GSE1: variants seen among roughly 807,000 people sequenced by gnomAD.
GSE1 encodes the protein Gse1 coiled-coil protein.
Under a neutral mutation model 112.6 loss-of-function variants are expected in GSE1, and 32 were observed. That is an observed-to-expected ratio of 0.28 (90% confidence interval 0.21 to 0.38). GSE1 has a LOEUF of 0.38. Ranked by LOEUF, GSE1 falls within the 10% of genes least tolerant of loss-of-function variation. The probability of loss-of-function intolerance (pLI) is 1.00; values close to 1 mark genes in which losing one functional copy is unlikely to be tolerated. For missense variants in GSE1, 2,348 were observed against 1,699.2 expected, an observed-to-expected ratio of 1.38 and a Z score of -6.71; for synonymous variants, 1,115 against 735.6, an observed-to-expected ratio of 1.52 and a Z score of -8.35.
intron 1 of GSE1, among the ~76,000 whole-genome samples, chr16:85,248,898 C>T (rs1239493566): frequency 1.3e-5 from 2 of 152,194 alleles, no homozygotes; most frequent in South Asian, 2.1e-4. Flanking sequence ...CACTGGGCAC[C>T]CCCGTGGAGT....
chr16:85,603,767 A>C (rs989203909), intron 1 of GSE1, among the ~76,000 whole-genome samples: 1 of 152,194 alleles, frequency 6.6e-6, no homozygotes, highest in African/African-American at 2.4e-5. Flanking sequence ...TTGGCCTCCC[A>C]AAATGCTGAG....
intron 2 of GSE1, among the ~76,000 whole-genome samples, chr16:85,538,111 A>G (rs570612727): frequency 1.3e-5 from 2 of 152,334 alleles, no homozygotes; most frequent in South Asian, 4.1e-4. Flanking sequence ...CTGAATCAGG[A>G]GACCCAGGCC....
At chr16:85,198,952 T>G (rs2074978702) in intron 1 of GSE1, among the ~76,000 whole-genome samples, 1 of 151,796 alleles carries the variant, frequency 6.6e-6, no homozygotes, top group Non-Finnish European at 1.5e-5. Flanking sequence ...CTAATTTTTT[T>G]TTTTTTTTGG....
At chr16:85,630,573 T>C (rs964403224) in intron 1 of GSE1, among the ~76,000 whole-genome samples, 4 of 152,192 alleles carry the variant, frequency 2.6e-5, no homozygotes, top group Non-Finnish European at 5.9e-5. Flanking sequence ...CACCTCACCC[T>C]CCTACTTACC....
chr16:85,637,318 G>A (rs751472461), intron 2 of GSE1, among the ~76,000 whole-genome samples: 7 of 152,186 alleles, frequency 4.6e-5, no homozygotes, highest in Non-Finnish European at 8.8e-5. Flanking sequence ...GGCCATCTGC[G>A]GCGTGACAGC....
intron 1 of GSE1, among the ~76,000 whole-genome samples, chr16:85,172,799 C>G (rs1408022805): frequency 6.6e-6 from 1 of 152,212 alleles, no homozygotes; most frequent in African/African-American, 2.4e-5. Flanking sequence ...CCTTTGAAAG[C>G]TTCCTGATCC....
At chr16:85,435,962 G>A (rs1170965682) in intron 2 of GSE1, among the ~76,000 whole-genome samples, 1 of 152,162 alleles carries the variant, frequency 6.6e-6, no homozygotes, top group African/African-American at 2.4e-5. Context: ...CCAGAAGGCA[G>A]GTGGGGTCTG....
chr16:85,269,450 G>T (rs1238930302), intron 1 of GSE1, among the ~76,000 whole-genome samples: 1 of 77,694 alleles, frequency 1.3e-5, no homozygotes, highest in Admixed American at 9.8e-5. Flanking sequence ...GTGTGTGAGT[G>T]TGTGTGTGTG....
chr16:85,443,725 A>G (rs1430279220), intron 2 of GSE1, among the ~76,000 whole-genome samples: 2 of 152,212 alleles, frequency 1.3e-5, no homozygotes, highest in Admixed American at 1.3e-4. Context: ...TCCTCGCACC[A>G]GAGGGGCCTA....
chr16:85,474,171 G>C (rs904963071), intron 2 of GSE1, among the ~76,000 whole-genome samples: 1 of 152,146 alleles, frequency 6.6e-6, no homozygotes, highest in African/African-American at 2.4e-5. Context: ...CCAGACGAGA[G>C]GTGCTGGGCC....
chr16:85,616,139 C>T (rs545675091), intron 1 of GSE1, among the ~76,000 whole-genome samples: 55 of 152,368 alleles, frequency 3.6e-4, no homozygotes, highest in Middle Eastern at 3.4e-3. Flanking sequence ...CTGTGGCAGA[C>T]CGGGGTCCTG....
At chr16:85,365,731 C>T (rs1277567763) in intron 2 of GSE1, among the ~76,000 whole-genome samples, 4 of 152,210 alleles carry the variant, frequency 2.6e-5, no homozygotes, top group Non-Finnish European at 5.9e-5. Flanking sequence ...TAGCCTACAG[C>T]GACTTCATTT....
intron 1 of GSE1, among the ~76,000 whole-genome samples, chr16:85,556,565 C>G (rs1027657342): frequency 6.6e-6 from 1 of 151,490 alleles, no homozygotes; most frequent in Non-Finnish European, 1.5e-5. Flanking sequence ...GCGGGGAGCG[C>G]CCACCTGGCC....
At chr16:85,306,574 G>C (rs1567677182) in intron 1 of GSE1, among the ~76,000 whole-genome samples, 1 of 152,090 alleles carries the variant, frequency 6.6e-6, no homozygotes, top group Admixed American at 6.5e-5. Flanking sequence ...TTTAGAGATG[G>C]GGTCTCCTCT....
chr16:85,523,029 G>A (rs938156943), intron 2 of GSE1, among the ~76,000 whole-genome samples: 6 of 151,960 alleles, frequency 3.9e-5, no homozygotes, highest in Non-Finnish European at 7.4e-5. Flanking sequence ...GTGTGTATGC[G>A]TGTGTGTCTT....
chr16:85,640,798 T>TCTG (rs1252296368), intron 2 of GSE1, among the ~76,000 whole-genome samples: 2 of 152,228 alleles, frequency 1.3e-5, no homozygotes, highest in East Asian at 3.8e-4. Context: ...TGGGTGTCAG[T>TCTG]CTGCGGCGGC....
chr16:85,231,503 G>A (rs1904286725), intron 1 of GSE1, among the ~76,000 whole-genome samples: 2 of 152,232 alleles, frequency 1.3e-5, no homozygotes. Flanking sequence ...CGGAGGGATG[G>A]ATAGAAAGAT....
chr16:85,220,497 GC>G (rs2075372259), intron 1 of GSE1, among the ~76,000 whole-genome samples: 1 of 152,322 alleles, frequency 6.6e-6, no homozygotes, highest in Admixed American at 6.5e-5. Flanking sequence ...TCAGAGCCGG[GC>G]CCGCGGCCAG....
chr16:85,353,368 A>G (rs914146195), intron 1 of GSE1, among the ~76,000 whole-genome samples: 1 of 152,170 alleles, frequency 6.6e-6, no homozygotes, highest in South Asian at 2.1e-4. Flanking sequence ...CTATATGTCT[A>G]GGAGTGGAGT....
Sources: allele counts gnomAD v4.1 joint callset (sites outside exome capture counted in the v4.1 genomes callset), GRCh38; gene constraint gnomAD v4.1.1; transcripts MANE v1.5; gene names NCBI Gene and HGNC (gene_info 2026-07-23, HGNC 2026-07-21).